Variants in CHAF1B observed in about 807,000 individuals in gnomAD.
CHAF1B encodes CAF-1 subunit B.
CHAF1B carries 10 observed loss-of-function variants against 60.7 expected under a neutral mutation model. The ratio of observed to expected loss-of-function variants is 0.16; its 90% confidence interval spans 0.10 to 0.28. CHAF1B has a LOEUF of 0.28. CHAF1B is among the 10% of genes least tolerant of loss of function. CHAF1B has a pLI of 1.00. For synonymous variants in CHAF1B, 261 were observed against 266.1 expected (o/e 0.98, Z 0.19); for missense variants, 558 against 708.4 (o/e 0.79, Z 2.41).
At chr21:36,385,748 C>A (rs1463524369) in intron 1 of CHAF1B, among the ~76,000 whole-genome samples, 1 of 152,048 alleles carries the variant, frequency 6.6e-6, no homozygotes, top group Non-Finnish European at 1.5e-5. Flanking sequence ...CCGGGGCGGG[C>A]CCCTCCCCGG....
chr21:36,394,432 A>C, intron 4 of CHAF1B, 115 bp from the exon 5 acceptor site: 1 of 693,986 alleles, frequency 1.4e-6, no homozygotes, highest in Admixed American at 2.4e-5. Context: ...CTGGCCTTGA[A>C]CTCCTGACCA....
intron 4 of CHAF1B, among the ~76,000 whole-genome samples, chr21:36,392,256 T>C (rs909832426): frequency 3.3e-5 from 5 of 152,170 alleles, no homozygotes; most frequent in Non-Finnish European, 5.9e-5. Context: ...GGTTATAGAT[T>C]AGCAGCATCC....
At chr21:36,412,519 C>G (rs2086286086) in intron 11 of CHAF1B, among the ~76,000 whole-genome samples, 1 of 152,130 alleles carries the variant, frequency 6.6e-6, no homozygotes, top group South Asian at 2.1e-4. Context: ...ACCACCATGG[C>G]TGGCTAATTT....
intron 3 of CHAF1B, among the ~76,000 whole-genome samples, chr21:36,390,915 C>T (rs1243813629): frequency 6.6e-6 from 1 of 152,138 alleles, no homozygotes; most frequent in African/African-American, 2.4e-5. Flanking sequence ...CTCAGCCTCC[C>T]AAAGTGCTGG....
At position 36,402,869 on chromosome 21, in the gene CHAF1B, G is replaced by C. The variant is rs918785144; in HGVS notation, c.757+18G>C. 1 of 1,594,218 alleles carries C rather than the reference G, an allele frequency of 6.3e-7. No homozygotes were observed. Among genetic ancestry groups the C allele is most frequent in the Non-Finnish European group, 8.6e-7 (1 of 1,163,334 alleles). ...CACGCCAGGTGTGTTTCGTAGCTTT[G>C]GACTTAAAGGAATGATGGCCGAGTG... On this transcript the variant is annotated intron_variant, in intron 8 of 13. Transcript: ENST00000314103.
chr21:36,402,803 T>G lies in CHAF1B; in HGVS notation c.709T>G (p.Phe237Val). 6.2e-7 allele frequency: 1 copy of G among 1,614,126 alleles called. No homozygotes were observed. The highest frequency in any genetic ancestry group is 8.5e-7 in the Non-Finnish European group (1 of 1,179,984). Residue 237 changes from phenylalanine to valine, a missense_variant, in exon 8 of 14, where the codon TTC (phenylalanine) becomes GTC (valine). By Grantham distance (50) the Phe-to-Val change is conservative. Transcript: ENST00000314103. ...TCACGACGACAGCATGAAGTCTTTC[T>G]TCCGTAGACTGAGTTTCACTCCCGA... ...MFHDDSMKSF[F>V]RRLSFTPDGS...
chr21:36,410,314 C>T (rs1293631874), intron 10 of CHAF1B, among the ~76,000 whole-genome samples: 1 of 152,072 alleles, frequency 6.6e-6, no homozygotes, highest in Non-Finnish European at 1.5e-5. Flanking sequence ...TAGATCTATC[C>T]GTTTATAGTT....
intron 7 of CHAF1B, among the ~76,000 whole-genome samples, chr21:36,401,983 C>T (rs536742024): frequency 1.2e-3 from 176 of 152,140 alleles, no homozygotes; most frequent in Middle Eastern, 6.8e-3. Flanking sequence ...TCAAGTGATC[C>T]GCCCGCCTTG....
chr21:36,404,100 T>A (rs2086215255), intron 8 of CHAF1B, among the ~76,000 whole-genome samples: 1 of 150,438 alleles, frequency 6.6e-6, no homozygotes, highest in East Asian at 1.9e-4. Context: ...TAAATCCTTT[T>A]TTTTTTTTTT....
chr21:36,389,751 A>G (rs1404934659), intron 3 of CHAF1B, among the ~76,000 whole-genome samples: 1 of 140,556 alleles, frequency 7.1e-6, no homozygotes, highest in Non-Finnish European at 1.5e-5. Flanking sequence ...CCCAGAGTGC[A>G]TGAAGGGATG....
chr21:36,415,448 C>A, intron 13 of CHAF1B, 59 bp downstream of exon 13: 1 of 1,175,386 alleles, frequency 8.5e-7, no homozygotes, highest in South Asian at 1.3e-5. Context: ...TTCTTTTGTT[C>A]TTTTGGAAAT....
intron 6 of CHAF1B, 163 bp from the exon 7 acceptor site, chr21:36,399,358 A>G (rs2086168216): frequency 1.6e-6 from 1 of 626,056 alleles, no homozygotes; most frequent in South Asian, 1.9e-5. Context: ...TAGGTTGTTA[A>G]TACTTGCTTC....
At chr21:36,391,123 C>G (rs1030742797) in intron 3 of CHAF1B, among the ~76,000 whole-genome samples, 1 of 152,110 alleles carries the variant, frequency 6.6e-6, no homozygotes, top group African/African-American at 2.4e-5. Flanking sequence ...ATTAATGTAG[C>G]CAGTCATTTT....
intron 4 of CHAF1B, among the ~76,000 whole-genome samples, chr21:36,393,013 C>G (rs560754636): frequency 1.1e-3 from 166 of 152,278 alleles, no homozygotes; most frequent in African/African-American, 3.8e-3. Flanking sequence ...AGCTGGAGAC[C>G]AGCCCGGCCA....
chr21:36,397,073 C>T (rs781179903), intron 5 of CHAF1B, among the ~76,000 whole-genome samples: 1 of 152,168 alleles, frequency 6.6e-6, no homozygotes, highest in African/African-American at 2.4e-5. Context: ...CTTCTTCCAC[C>T]CTTCATCCCC....
intron 8 of CHAF1B, among the ~76,000 whole-genome samples, chr21:36,406,110 G>A (rs928561170): frequency 1.3e-5 from 2 of 152,092 alleles, no homozygotes; most frequent in Admixed American, 6.6e-5. Context: ...AAGATCTCAG[G>A]ATATAAGGCG....
chr21:36,391,383 G>A (rs2086085001), intron 3 of CHAF1B, among the ~76,000 whole-genome samples, 168 bp from the exon 4 acceptor site: 1 of 151,694 alleles, frequency 6.6e-6, no homozygotes, highest in South Asian at 2.1e-4. Flanking sequence ...TAGCCAGGAT[G>A]GTCCTGGGAG....
At chr21:36,404,531 T>C (rs1165494838) in intron 8 of CHAF1B, among the ~76,000 whole-genome samples, 1 of 149,544 alleles carries the variant, frequency 6.7e-6, no homozygotes, top group Non-Finnish European at 1.5e-5. Context: ...GCCTCCCGGG[T>C]TCAAGCCATT....
intron 8 of CHAF1B, among the ~76,000 whole-genome samples, chr21:36,404,399 C>CTT (rs568032202): frequency 5.1e-5 from 7 of 136,234 alleles, no homozygotes; most frequent in African/African-American, 1.6e-4. Context: ...ACGCCCGGCC[C>CTT]TTTTTTTTTT....
Sources: allele counts gnomAD v4.1 joint callset (sites outside exome capture counted in the v4.1 genomes callset), GRCh38; gene constraint gnomAD v4.1.1; transcripts MANE v1.5; gene names NCBI Gene and HGNC (gene_info 2026-07-23, HGNC 2026-07-21).